Variants in ARID4B observed in about 807,000 individuals in gnomAD.
ARID4B encodes the protein AT-rich interactive domain-containing protein 4B.
ARID4B carries 26 observed loss-of-function variants against 147.5 expected under a neutral mutation model. The observed-to-expected ratio is 0.18, with a 90% confidence interval of 0.13 to 0.24. ARID4B has a LOEUF of 0.24. Among genes scored for constraint, ARID4B ranks in the 10% least tolerant of loss-of-function variants. The pLI is 1.00. For missense variants in ARID4B, 1,179 were observed against 1,511.5 expected (o/e 0.78, Z 3.65); for synonymous variants, 512 against 507.9 (o/e 1.01, Z -0.11).
rs567089207 is a variant in ARID4B, at chr1:235,290,111, C to T, written c.7-29359G>A. ...AAATTCAGAAGTCTAGTAATGTACA[C>T]GGCAGGTAAGTTATGGGAAAATGTT... On this transcript the variant is annotated intron_variant, in intron 2 of 23. Coordinates refer to ENST00000264183, the MANE Select transcript of ARID4B (RefSeq NM_016374.6). 1.4e-4 allele frequency among the ~76,000 whole-genome samples: 21 copies of T among 151,864 alleles called. 1 individual carries two copies. In the South Asian group the frequency reaches 4.2e-3, roughly 30 times the overall value.
rs1415183599 is a variant in ARID4B, at chr1:235,261,232, G to C, written c.7-480C>G. Among the ~76,000 whole-genome samples, 5 of 152,138 alleles carry C rather than the reference G, an allele frequency of 3.3e-5. 1 individual carries two copies. Among genetic ancestry groups the C allele is most frequent in the Non-Finnish European group, 2.9e-5 (2 of 68,018 alleles). ...ATCTAGAAAAGTCTAAGGTAGTTTAGTGTAGTGCCTGGTGTGGTGGTTCCT... is the reference window on the plus strand; with the variant it reads ...ATCTAGAAAAGTCTAAGGTAGTTTACTGTAGTGCCTGGTGTGGTGGTTCCT... On this transcript the variant is annotated intron_variant, in intron 2 of 23. Coordinates refer to ENST00000264183, the MANE Select transcript of ARID4B (RefSeq NM_016374.6).
At chr1:235,307,386 A>G (rs1673647015) in intron 2 of ARID4B, among the ~76,000 whole-genome samples, 1 of 152,250 alleles carries the variant, frequency 6.6e-6, no homozygotes, top group Non-Finnish European at 1.5e-5. Context: ...TCACGGCTAC[A>G]GTGAATTATG....
At position 235,173,826 on chromosome 1, in the gene ARID4B, C is replaced by CATATAT. The variant is rs59203627; in HGVS notation, c.3665-1068_3665-1063dup. ...TATATATATATATGTATACCTAAAA[C>CATATAT]ATATATATATATACCTTTTTTTAAA... On this transcript the variant is annotated intron_variant, in intron 22 of 23. Coordinates refer to ENST00000264183, the MANE Select transcript of ARID4B (RefSeq NM_016374.6). Among the ~76,000 whole-genome samples, 149 of 81,182 alleles carry CATATAT rather than the reference C, an allele frequency of 1.8e-3. 1 individual carries two copies. Among genetic ancestry groups the CATATAT allele is most frequent in the Non-Finnish European group, 2.6e-3 (117 of 44,428 alleles). The allele number at this position is 81,182 out of a possible 152,430, so 53.3% of individuals were successfully genotyped here. A position where few individuals can be genotyped will look rare whatever the true frequency, so the allele number is the denominator to read the frequency against.
At chr1:235,169,955 C>T (rs879352776) in intron 23 of ARID4B, among the ~76,000 whole-genome samples, 4 of 152,152 alleles carry the variant, frequency 2.6e-5, no homozygotes, top group African/African-American at 9.7e-5. Context: ...AGCAATTGCG[C>T]CCGGCCTCTC....
intron 19 of ARID4B, among the ~76,000 whole-genome samples, chr1:235,190,368 A>G (rs367956070): frequency 1.3e-5 from 2 of 152,278 alleles, no homozygotes; most frequent in African/African-American, 4.8e-5. Flanking sequence ...GAAACACTTG[A>G]ACCCAGGAGG....
chr1:235,182,731 T>C lies in ARID4B; in HGVS notation c.2188A>G (p.Asn730Asp). The C allele has an allele frequency of 6.2e-7, 1 of 1,612,946 alleles. No individual in the cohort carries two copies. Among genetic ancestry groups the C allele is most frequent in the Non-Finnish European group, 8.5e-7 (1 of 1,179,712 alleles). ...ATCTTAGATTCCTCTTTGCCATTATTATCCATGTCTTGAGCACCTCTCTCA... is the reference window on the plus strand; with the variant it reads ...ATCTTAGATTCCTCTTTGCCATTATCATCCATGTCTTGAGCACCTCTCTCA... ...EDERGAQDMDNNGKEESKIDH... is the reference protein window; with the variant it reads ...EDERGAQDMDDNGKEESKIDH... The change falls in exon 20 of 24, where the codon AAT (asparagine) becomes GAT (aspartate). Residue 730 changes from asparagine to aspartate, a missense_variant. Asn to Asp is a conservative substitution (Grantham distance 23, BLOSUM62 1). Transcript: ENST00000264183.
intron 16 of ARID4B, among the ~76,000 whole-genome samples, chr1:235,214,465 ATTT>A (rs1437446577): frequency 6.6e-6 from 1 of 152,030 alleles, no homozygotes. Context: ...TGTTTGTTTC[ATTT>A]TTTTAGAGAC....
chr1:235,250,319 A>T (rs182249924), intron 6 of ARID4B, among the ~76,000 whole-genome samples: 4 of 152,110 alleles, frequency 2.6e-5, no homozygotes, highest in Admixed American at 2.6e-4. Flanking sequence ...ACTACTACTA[A>T]TACTCTGAAT....
chr1:235,260,500 A>C lies in ARID4B; in HGVS notation c.117+142T>G, dbSNP rs186426480. On this transcript the variant is annotated intron_variant, in intron 3 of 23. Transcript: ENST00000264183. ...CAATTATAATACTTTTAAAATAACAAAAAATGCTTTGTTTTGAGGTATTTT... is the reference window on the plus strand; with the variant it reads ...CAATTATAATACTTTTAAAATAACACAAAATGCTTTGTTTTGAGGTATTTT... 1.4e-5 allele frequency: 8 copies of C among 553,696 alleles called. No individual in the cohort carries two copies. In the East Asian group the frequency reaches 2.5e-4, roughly 17 times the overall value. The allele number at this position is 553,696 out of a possible 1,614,324, so 34.3% of individuals were successfully genotyped here. A position where few individuals can be genotyped will look rare whatever the true frequency, so the allele number is the denominator to read the frequency against.
chr1:235,220,449 A>G lies in ARID4B; in HGVS notation c.1260T>C (p.Cys420=), dbSNP rs985049612. Residue 420 remains cysteine, a synonymous_variant, in exon 15 of 24, where the codon TGT becomes TGC. Transcript: ENST00000264183. The stretch of plus-strand genomic sequence containing the variant: ...TAACTTTTATTTCTTTTACATTTTC[A>G]CACTCCTTACATTGCTTGTTAACAA... ...EKVVNKQCKE[C]ENVKEIKVKE... 3 of 1,612,254 alleles carry G rather than the reference A, an allele frequency of 1.9e-6. No individual in the cohort carries two copies. Among genetic ancestry groups the G allele is most frequent in the African/African-American group, 2.7e-5 (2 of 74,712 alleles).
intron 19 of ARID4B, among the ~76,000 whole-genome samples, chr1:235,192,218 A>G (rs781768799): frequency 6.6e-5 from 10 of 152,168 alleles, no homozygotes; most frequent in Non-Finnish European, 1.3e-4. Context: ...CTGGGAGGAG[A>G]CATACTACGA....
intron 11 of ARID4B, among the ~76,000 whole-genome samples, chr1:235,225,609 G>C (rs114032624): frequency 0.024 from 3,709 of 152,288 alleles, 59 homozygotes; most frequent in Middle Eastern, 0.041. Flanking sequence ...TACTGTTACA[G>C]AACATGATTA....
At chr1:235,283,925 C>T (rs536233722) in intron 2 of ARID4B, among the ~76,000 whole-genome samples, 54 of 151,990 alleles carry the variant, frequency 3.6e-4, no homozygotes, top group African/African-American at 1.3e-3. Context: ...TTAGTAGAGA[C>T]GGGGTTTCGA....
At chr1:235,326,989 A>AC in intron 1 of ARID4B, 21 bp from the exon 2 acceptor site, 2 of 1,513,188 alleles carry the variant, frequency 1.3e-6, no homozygotes, top group Non-Finnish European at 1.8e-6. Flanking sequence ...AACAAAAGAC[A>AC]CCCAGTCAAC....
chr1:235,219,698 CAATT>C (rs1048663607), intron 16 of ARID4B, 91 bp downstream of exon 16: 16 of 995,354 alleles, frequency 1.6e-5, no homozygotes, highest in Non-Finnish European at 2.4e-5. Context: ...AATATTTTGT[CAATT>C]AATTTAGATT....
At chr1:235,327,032 G>T in intron 1 of ARID4B, 64 bp from the exon 2 acceptor site, 1 of 1,181,854 alleles carries the variant, frequency 8.5e-7, no homozygotes, top group Non-Finnish European at 1.2e-6. Flanking sequence ...GGCGGAGGCG[G>T]AGGGAAAGAA....
intron 4 of ARID4B, among the ~76,000 whole-genome samples, 170 bp from the exon 5 acceptor site, chr1:235,255,920 T>A (rs1458001588): frequency 6.6e-6 from 1 of 152,052 alleles, no homozygotes; most frequent in African/African-American, 2.4e-5. Flanking sequence ...ACGCCTGCAA[T>A]CCCAGCACTT....
intron 2 of ARID4B, among the ~76,000 whole-genome samples, chr1:235,279,771 T>C (rs1391052777): frequency 6.6e-6 from 1 of 152,188 alleles, no homozygotes; most frequent in East Asian, 1.9e-4. Context: ...TATCAGAGTC[T>C]AGAATTTGAT....
chr1:235,236,832 A>ATT (rs1355782523), intron 8 of ARID4B, among the ~76,000 whole-genome samples: 3 of 37,448 alleles, frequency 8.0e-5, no homozygotes, highest in African/African-American at 3.2e-4. Flanking sequence ...GTTTTATAAA[A>ATT]AATATATATA....
Sources: gnomAD v4.1 joint callset for allele counts (sites outside exome capture counted in the v4.1 genomes callset) on GRCh38, gnomAD v4.1.1 for gene constraint, MANE v1.5 for transcripts, NCBI Gene and HGNC (gene_info 2026-07-23, HGNC 2026-07-21) for gene names.